Variants in PPARGC1B observed in about 807,000 individuals in gnomAD.
PPARGC1B encodes the protein PPARG coactivator 1 beta.
PPARGC1B carries 34 observed loss-of-function variants against 101.6 expected under a neutral mutation model. The ratio of observed to expected loss-of-function variants is 0.33; its 90% CI spans 0.25 to 0.45. The LOEUF (loss-of-function observed/expected upper bound fraction) is 0.45, where lower values mean the gene tolerates loss of function less well. Ranked by LOEUF, PPARGC1B falls within the 20% of genes least tolerant of loss-of-function variation. The pLI is 1.00. For missense variants in PPARGC1B, 1,234 were observed against 1,317.6 expected (o/e 0.94, Z 0.98); for synonymous variants, 548 against 539.3 (o/e 1.02, Z -0.22).
intron 1 of PPARGC1B, among the ~76,000 whole-genome samples, chr5:149,775,098 G>A (rs1321925484): frequency 1.3e-5 from 2 of 152,090 alleles, no homozygotes; most frequent in African/African-American, 2.4e-5. Context: ...GTGTAGGGGT[G>A]GAGTAGGGCA....
At chr5:149,856,801 C>T (rs1180565177), downstream of PPARGC1B, among the ~76,000 whole-genome samples, 2 of 137,184 alleles carry the variant, frequency 1.5e-5, no homozygotes, top group African/African-American at 2.7e-5. Flanking sequence ...GATGGAGTCT[C>T]GCTCTTGTTG....
chr5:149,797,649 G>A (rs1305183249), intron 1 of PPARGC1B, among the ~76,000 whole-genome samples: 10 of 152,078 alleles, frequency 6.6e-5, no homozygotes, highest in Admixed American at 5.9e-4. Flanking sequence ...GGCTGGGCGC[G>A]GTGGCTCACA....
At chr5:149,843,389 C>CAAT (rs1016925773) in intron 10 of PPARGC1B, among the ~76,000 whole-genome samples, 1 of 152,058 alleles carries the variant, frequency 6.6e-6, no homozygotes, top group Non-Finnish European at 1.5e-5. Context: ...CATTCTAATA[C>CAAT]AATAATAATA....
Position 149,730,701 on chromosome 5 carries a change from G to T in PPARGC1B, c.78+281G>T, listed in dbSNP as rs1384940274. ...TGCCACCCCGCGGGCAAAACTGGGG[G>T]GTACCGCGCTTCCTTTGGGAGGTGG... On this transcript the variant is annotated intron_variant, in intron 1 of 11. Transcript: ENST00000309241. The surrounding 1 kb of genome is among the most constrained non-coding windows in gnomAD (Gnocchi z 4.0). 1.3e-5 allele frequency among the ~76,000 whole-genome samples: 2 copies of T among 152,176 alleles called. No individual in the cohort carries two copies. Among genetic ancestry groups the T allele is most frequent in the Non-Finnish European group, 2.9e-5 (2 of 68,010 alleles).
At chr5:149,762,787 TC>T (rs2113158585) in intron 1 of PPARGC1B, among the ~76,000 whole-genome samples, 1 of 152,200 alleles carries the variant, frequency 6.6e-6, no homozygotes, top group East Asian at 1.9e-4. Flanking sequence ...GCCAAGGTTC[TC>T]CCCCACCCCT....
chr5:149,744,260 C>A (rs1028386271), intron 1 of PPARGC1B, among the ~76,000 whole-genome samples: 2 of 152,184 alleles, frequency 1.3e-5, no homozygotes, highest in Admixed American at 1.3e-4. Context: ...ATGGTTCTTA[C>A]AAGCTTGGCA....
intron 2 of PPARGC1B, among the ~76,000 whole-genome samples, chr5:149,826,148 T>TG (rs1240989438): frequency 1.3e-5 from 2 of 151,562 alleles, no homozygotes; most frequent in African/African-American, 4.9e-5. Flanking sequence ...TCCTCAGGAG[T>TG]GAATGAGGAG....
In PPARGC1B at chr5:149,847,692, A is replaced by C; in HGVS notation, c.*134A>C. The C allele has an allele frequency of 1.5e-6, 1 of 652,030 alleles. No homozygotes were observed. The highest frequency in any genetic ancestry group is 2.7e-6 in the Non-Finnish European group (1 of 372,030). 40.4% of individuals were successfully genotyped at this position (652,030 alleles called of 1,614,324 possible). A position where few individuals can be genotyped will look rare whatever the true frequency, so the allele number is the denominator to read the frequency against. On this transcript the variant is annotated 3_prime_UTR_variant, in exon 12 of 12. Coordinates refer to ENST00000309241, the MANE Select transcript of PPARGC1B (RefSeq NM_133263.4). ...AGAACACCCGTGAGAGAGACTTGAA[A>C]CTGCTGTCCTTTAAAAAAAAAAAAA...
rs543246577 is a variant in PPARGC1B at position 149,777,308 on chromosome 5, T to C, written c.79-43125T>C. Among the ~76,000 whole-genome samples the C allele has an allele frequency of 1.6e-4, 25 of 152,290 alleles. No individual in the cohort carries two copies. The South Asian group carries it at 5.0e-3, about 30-fold the overall frequency. On this transcript the variant is annotated intron_variant, in intron 1 of 11. Coordinates refer to ENST00000309241, the MANE Select transcript of PPARGC1B (RefSeq NM_133263.4). ...GCCCACTTTACAGATGTGGAAACTTTAGAGGGAAGTCCAGAAACACATGCC... is the reference window on the plus strand; with the variant it reads ...GCCCACTTTACAGATGTGGAAACTTCAGAGGGAAGTCCAGAAACACATGCC...
intron 1 of PPARGC1B, among the ~76,000 whole-genome samples, chr5:149,732,045 GGTGTGTGTGTGTGTGTGT>G (rs3042304): frequency 9.4e-5 from 14 of 149,026 alleles, no homozygotes; most frequent in Admixed American, 9.3e-4. Flanking sequence ...TGCGCGCGCG[GGTGTGTGTGTGTGTGTGT>G]GTGTGTGTGT....
chr5:149,805,611 T>C (rs1397479886), intron 1 of PPARGC1B, among the ~76,000 whole-genome samples: 4 of 152,122 alleles, frequency 2.6e-5, no homozygotes, highest in African/African-American at 9.7e-5. Flanking sequence ...GGCTAATTTT[T>C]GTATTTTTAG....
rs1370233296 is a variant in PPARGC1B, at chr5:149,820,661, A to G, written c.252+55A>G. ...ACCCTGCCAGGCCTCTCTCTCCTCA[A>G]AATCCCGGCTCTGCCCTGCTCTGCC... On this transcript the variant is annotated intron_variant, in intron 2 of 11. Coordinates refer to ENST00000309241, the MANE Select transcript of PPARGC1B (RefSeq NM_133263.4). 3.3e-6 allele frequency: 5 copies of G among 1,536,998 alleles called. No homozygotes were observed. In the East Asian group the frequency reaches 1.1e-4, roughly 35 times the overall value.
intron 1 of PPARGC1B, among the ~76,000 whole-genome samples, chr5:149,769,161 G>T (rs535988362): frequency 6.6e-6 from 1 of 152,356 alleles, no homozygotes; most frequent in South Asian, 2.1e-4. Flanking sequence ...CACAATAGGG[G>T]TTGTGCTCCT....
At chr5:149,732,908 C>A in intron 1 of PPARGC1B, 1 of 431,842 alleles carries the variant, frequency 2.3e-6, no homozygotes, top group Non-Finnish European at 4.9e-6. Context: ...GTCACCTTCC[C>A]CACTCTCTGG....
intron 1 of PPARGC1B, among the ~76,000 whole-genome samples, chr5:149,787,697 A>G (rs1375934155): frequency 6.6e-6 from 1 of 152,112 alleles, no homozygotes; most frequent in Non-Finnish European, 1.5e-5. Flanking sequence ...CAGGGACACT[A>G]TAATCTACCA....
chr5:149,813,458 A>G (rs1757936368), intron 1 of PPARGC1B, among the ~76,000 whole-genome samples: 1 of 152,144 alleles, frequency 6.6e-6, no homozygotes, highest in Non-Finnish European at 1.5e-5. Flanking sequence ...AACAGAAACC[A>G]CAAGCCATGA....
At chr5:149,753,862 T>C (rs933199086) in intron 1 of PPARGC1B, among the ~76,000 whole-genome samples, 2 of 151,948 alleles carry the variant, frequency 1.3e-5, no homozygotes, top group Non-Finnish European at 2.9e-5. Flanking sequence ...CCCAGATAAT[T>C]TTTGTATTTT....
At chr5:149,800,685 G>T (rs1757402723) in intron 1 of PPARGC1B, among the ~76,000 whole-genome samples, 2 of 152,262 alleles carry the variant, frequency 1.3e-5, no homozygotes, top group South Asian at 4.1e-4. Flanking sequence ...GACAGATGGG[G>T]CAGGGGGAGC....
rs1176854590 is a variant in PPARGC1B, at chr5:149,833,543, G to A, written c.1470G>A (p.Leu490=). ...TGAACCCTGAGCTGGGCCCCTGGCT[G>A]ACATTTGCAGATGAGCCGCTGGTCC... ...RRLNPELGPW[L]TFADEPLVPS... Residue 490 remains leucine (L), a synonymous_variant, in exon 5 of 12, where the codon CTG becomes CTA. Coordinates refer to ENST00000309241, the MANE Select transcript of PPARGC1B (RefSeq NM_133263.4). The surrounding 1 kb of genome is among the most constrained non-coding windows in gnomAD (Gnocchi z 4.1). 1.9e-6 allele frequency: 3 copies of A among 1,579,178 alleles called. No homozygotes were observed. The Admixed American group carries it at 5.5e-5, about 29-fold the overall frequency.
Sources: allele counts gnomAD v4.1 joint callset (sites outside exome capture counted in the v4.1 genomes callset), GRCh38; gene constraint gnomAD v4.1.1; non-coding constraint Gnocchi (gnomAD v3.1); transcripts MANE v1.5; gene names NCBI Gene and HGNC (gene_info 2026-07-23, HGNC 2026-07-21).